PLXNA4: variants seen among roughly 807,000 people sequenced by gnomAD.
The protein encoded by PLXNA4 is plexin-A4.
PLXNA4 carries 44 observed loss-of-function variants against 191.8 expected under a neutral mutation model. The observed-to-expected ratio is 0.23, with a 90% CI of 0.18 to 0.29. PLXNA4 has a LOEUF of 0.29. Among genes scored for constraint, PLXNA4 ranks in the 10% least tolerant of loss-of-function variants. The probability of loss-of-function intolerance (pLI) is 1.00; values close to 1 mark genes in which losing one functional copy is unlikely to be tolerated. For synonymous variants in PLXNA4, 1,082 were observed against 1,009.5 expected (o/e 1.07, Z -1.36); for missense variants, 1,800 against 2,488.8 (o/e 0.72, Z 5.89).
At chr7:132,621,156 C>T (rs1803252918) in intron 2 of PLXNA4, among the ~76,000 whole-genome samples, 1 of 151,778 alleles carries the variant, frequency 6.6e-6, no homozygotes, top group Non-Finnish European at 1.5e-5. Flanking sequence ...CCATTCCATG[C>T]TATTCTATAA....
chr7:132,451,631 G>A (rs2117304302), intron 3 of PLXNA4, among the ~76,000 whole-genome samples: 1 of 152,332 alleles, frequency 6.6e-6, no homozygotes, highest in African/African-American at 2.4e-5. Context: ...GGGCCCAGTG[G>A]GTAAAGGGCA....
chr7:132,466,537 C>A (rs764234843), intron 3 of PLXNA4, among the ~76,000 whole-genome samples: 2 of 152,234 alleles, frequency 1.3e-5, no homozygotes, highest in Admixed American at 6.5e-5. Context: ...GGTAAGCCTG[C>A]AGTCAGTGTT....
rs553557788 is a variant in PLXNA4, at chr7:132,181,964, T to C, written c.3252+133A>G. ...CCCCCCTATTCCACTATCCTAGTAT[T>C]CAAGGGTGTCAGGCTGTGGGTTATC... On this transcript the variant is annotated intron_variant, in intron 17 of 31. Transcript: ENST00000321063. 35 of 1,425,322 alleles carry C rather than the reference T, an allele frequency of 2.5e-5. No individual in the cohort carries two copies. In the African/African-American group the frequency reaches 3.4e-4, roughly 14 times the overall value. The allele number at this position is 1,425,322 out of a possible 1,614,324, so 88.3% of individuals were successfully genotyped here. A position where few individuals can be genotyped will look rare whatever the true frequency, so the allele number is the denominator to read the frequency against.
At chr7:132,633,318 C>G (rs1300028630) in intron 2 of PLXNA4, among the ~76,000 whole-genome samples, 1 of 146,870 alleles carries the variant, frequency 6.8e-6, no homozygotes, top group Admixed American at 6.9e-5. Context: ...GAGTCTCACT[C>G]TATCACCAGA....
chr7:132,206,435 C>CT (rs1797618599), intron 10 of PLXNA4, among the ~76,000 whole-genome samples: 1 of 97,480 alleles, frequency 1.0e-5, no homozygotes. Context: ...CTTATGTTTT[C>CT]TGGTGTGTGT....
chr7:132,592,970 C>T (rs1321545752), intron 2 of PLXNA4, among the ~76,000 whole-genome samples: 1 of 152,100 alleles, frequency 6.6e-6, no homozygotes, highest in Non-Finnish European at 1.5e-5. Flanking sequence ...CCCCCACACA[C>T]ATATACATTT....
intron 4 of PLXNA4, among the ~76,000 whole-genome samples, chr7:132,249,875 G>T (rs1799185568): frequency 6.6e-6 from 1 of 152,242 alleles, no homozygotes; most frequent in Admixed American, 6.5e-5. Flanking sequence ...GAGTTCAGGG[G>T]CTGAGGAGCC....
In PLXNA4 at chr7:132,535,310, C is replaced by G. The variant is rs866322049; in HGVS notation, c.-86-26531G>C. ...GGGCACATGCCAAAAACATCAGAGACCAAACGTCATTCCCCAACTTTGTTG... is the reference window on the plus strand; with the variant it reads ...GGGCACATGCCAAAAACATCAGAGAGCAAACGTCATTCCCCAACTTTGTTG... On this transcript the variant is annotated intron_variant, in intron 1 of 31. Coordinates refer to ENST00000321063, the MANE Select transcript of PLXNA4 (RefSeq NM_020911.2). Among the ~76,000 whole-genome samples the G allele has an allele frequency of 4.6e-5, 7 of 152,212 alleles. No individual in the cohort carries two copies. In the South Asian group the frequency reaches 6.2e-4, roughly 14 times the overall value.
intron 3 of PLXNA4, among the ~76,000 whole-genome samples, chr7:132,362,639 T>C (rs1803993442): frequency 1.3e-5 from 2 of 152,166 alleles, no homozygotes; most frequent in African/African-American, 4.8e-5. Context: ...CCATAAGGGT[T>C]AGAAGAAAGT....
At chr7:132,525,045 CT>C (rs1319982795) in intron 1 of PLXNA4, among the ~76,000 whole-genome samples, 3 of 152,162 alleles carry the variant, frequency 2.0e-5, no homozygotes, top group Non-Finnish European at 2.9e-5. Flanking sequence ...AACTGAAACC[CT>C]GTACCCATCA....
chr7:132,330,135 G>A (rs1325584683), intron 3 of PLXNA4, among the ~76,000 whole-genome samples: 1 of 152,150 alleles, frequency 6.6e-6, no homozygotes, highest in African/African-American at 2.4e-5. Flanking sequence ...GGAAGAGAGA[G>A]GGAACAGACT....
chr7:132,262,739 G>C (rs1027917614), intron 4 of PLXNA4, among the ~76,000 whole-genome samples: 1 of 152,174 alleles, frequency 6.6e-6, no homozygotes, highest in Non-Finnish European at 1.5e-5. Context: ...TTCGGGGGAA[G>C]GGGGAGCTCC....
chr7:132,337,328 G>A (rs1157530080), intron 3 of PLXNA4, among the ~76,000 whole-genome samples: 1 of 152,216 alleles, frequency 6.6e-6, no homozygotes, highest in African/African-American at 2.4e-5. Context: ...CACTTCCCAT[G>A]TCCACACATG....
In PLXNA4 at chr7:132,197,704, A is replaced by G. The variant is rs146019967; in HGVS notation, c.2738+781T>C. On this transcript the variant is annotated intron_variant, in intron 13 of 31. Transcript: ENST00000321063. ...ATCAGGAGGAATTGAGGATGGCTGTACTGATGGTTCAGAATTAGTAAATCT... is the reference window on the plus strand; with the variant it reads ...ATCAGGAGGAATTGAGGATGGCTGTGCTGATGGTTCAGAATTAGTAAATCT... Among the ~76,000 whole-genome samples, 1,082 of 152,246 alleles carry G rather than the reference A, an allele frequency of 7.1e-3. 9 individuals carry two copies. The highest frequency in any genetic ancestry group is 0.012 in the Non-Finnish European group (794 of 68,016).
At chr7:132,423,967 T>C (rs192664005) in intron 3 of PLXNA4, among the ~76,000 whole-genome samples, 1 of 151,568 alleles carries the variant, frequency 6.6e-6, no homozygotes, top group Non-Finnish European at 1.5e-5. Context: ...TGCATGGAGG[T>C]CAATGCCTCT....
chr7:132,555,525 C>G (rs1254413900), intron 1 of PLXNA4, among the ~76,000 whole-genome samples: 4 of 152,230 alleles, frequency 2.6e-5, no homozygotes, highest in African/African-American at 7.2e-5. Flanking sequence ...TATTACCTCT[C>G]CACTTATTGA....
intron 3 of PLXNA4, among the ~76,000 whole-genome samples, chr7:132,460,916 C>T (rs1166669269): frequency 6.6e-6 from 1 of 151,738 alleles, no homozygotes; most frequent in South Asian, 2.1e-4. Flanking sequence ...AAGCAAGCAA[C>T]CAAGCAAGCA....
intron 1 of PLXNA4, among the ~76,000 whole-genome samples, chr7:132,553,076 T>C (rs983214018): frequency 6.6e-6 from 1 of 152,192 alleles, no homozygotes; most frequent in African/African-American, 2.4e-5. Context: ...CCAGTATCTC[T>C]GGGTGGACCT....
At position 132,143,543 on chromosome 7, in the gene PLXNA4, C is replaced by A. The variant is rs1034438731; in HGVS notation, c.5225+1576G>T. On this transcript the variant is annotated intron_variant, in intron 29 of 31. Transcript: ENST00000321063. Reference sequence around the variant, plus strand: ...GGACCGAGAGAAGTTCTGGGCAGAGCATTTTTTTTTAAAAATTTCCTGAAG... The same window carrying A: ...GGACCGAGAGAAGTTCTGGGCAGAGAATTTTTTTTTAAAAATTTCCTGAAG... Among the ~76,000 whole-genome samples the A allele has an allele frequency of 3.9e-5, 6 of 152,268 alleles. No individual in the cohort carries two copies. In the South Asian group the frequency reaches 1.2e-3, roughly 32 times the overall value.
Sources: gnomAD v4.1 joint callset for allele counts (sites outside exome capture counted in the v4.1 genomes callset) on GRCh38, gnomAD v4.1.1 for gene constraint, MANE v1.5 for transcripts, NCBI Gene and HGNC (gene_info 2026-07-23, HGNC 2026-07-21) for gene names.